PTPN14: variants seen among roughly 807,000 people sequenced by gnomAD.
PTPN14 encodes tyrosine-protein phosphatase non-receptor type 14.
A neutral mutation model predicts 126.8 loss-of-function variants in PTPN14; 53 were observed. The ratio of observed to expected loss-of-function variants is 0.42; its 90% confidence interval spans 0.34 to 0.53. The LOEUF is 0.53. Ranked by LOEUF, PTPN14 falls within the 20% of genes least tolerant of loss-of-function variation. The pLI is 0.08. For missense variants in PTPN14, 1,257 were observed against 1,552.9 expected (o/e 0.81, Z 3.20); for synonymous variants, 630 against 599.3 (o/e 1.05, Z -0.75).
chr1:214,479,010 T>G (rs1377702359), intron 1 of PTPN14, among the ~76,000 whole-genome samples: 1 of 151,784 alleles, frequency 6.6e-6, no homozygotes, highest in Non-Finnish European at 1.5e-5. Flanking sequence ...AATAGTACAT[T>G]TTGCTTAAAA....
intron 5 of PTPN14, 41 bp downstream of exon 5, chr1:214,411,643 G>GACATTAATTAAGAC: frequency 1.5e-6 from 2 of 1,349,416 alleles, no homozygotes; most frequent in Non-Finnish European, 2.1e-6. Context: ...AATGTCCAAA[G>GACATTAATTAAGAC]AAGGTAGAAA....
rs1657654445 is a variant in PTPN14 at position 214,349,015 on chromosome 1, A to G, written c.*8907T>C. 1 of 152,214 alleles carries G rather than the reference A, an allele frequency of 6.6e-6. No homozygotes were observed. Among genetic ancestry groups the G allele is most frequent in the African/African-American group, 2.4e-5 (1 of 41,456 alleles). The allele number at this position is 152,214 out of a possible 1,614,324, so 9.4% of individuals were successfully genotyped here. Reference sequence around the variant, plus strand: ...TGCATAGTTTTATTTTAGGCTTTTCATATTATTAAATTGATAGGGAGTCTA... The same window carrying G: ...TGCATAGTTTTATTTTAGGCTTTTCGTATTATTAAATTGATAGGGAGTCTA... On this transcript the variant is annotated 3_prime_UTR_variant, in exon 19 of 19. Coordinates refer to ENST00000366956, the MANE Select transcript of PTPN14 (RefSeq NM_005401.5).
chr1:214,499,074 G>C (rs767802577), intron 1 of PTPN14, among the ~76,000 whole-genome samples: 1 of 152,020 alleles, frequency 6.6e-6, no homozygotes, highest in Admixed American at 6.6e-5. Flanking sequence ...CAAAGTACTG[G>C]GATAAGAGAT....
intron 11 of PTPN14, among the ~76,000 whole-genome samples, chr1:214,390,614 C>T (rs537972871): frequency 8.5e-5 from 13 of 152,272 alleles, no homozygotes; most frequent in South Asian, 2.1e-4. Flanking sequence ...GCTCTCTCTA[C>T]GGCAGTGAAC....
chr1:214,480,524 A>T (rs191459050), intron 1 of PTPN14, among the ~76,000 whole-genome samples: 1 of 152,332 alleles, frequency 6.6e-6, no homozygotes, highest in Non-Finnish European at 1.5e-5. Flanking sequence ...TAAGAAGCAG[A>T]AAGCCTCCCA....
chr1:214,368,156 T>C (rs1444354523), intron 17 of PTPN14, among the ~76,000 whole-genome samples: 1 of 152,004 alleles, frequency 6.6e-6, no homozygotes, highest in Non-Finnish European at 1.5e-5. Context: ...TCTTGTGAGA[T>C]GCAAACCTTC....
chr1:214,483,971 T>C (rs892200390), intron 1 of PTPN14, among the ~76,000 whole-genome samples: 2 of 152,238 alleles, frequency 1.3e-5, no homozygotes, highest in African/African-American at 4.8e-5. Context: ...CCCTTTCATC[T>C]CCAAAAGATA....
intron 1 of PTPN14, among the ~76,000 whole-genome samples, chr1:214,488,196 T>C (rs1661157286): frequency 6.6e-6 from 1 of 152,210 alleles, no homozygotes; most frequent in Non-Finnish European, 1.5e-5. Flanking sequence ...CTTCTACTTG[T>C]ACTTATGGGC....
Position 214,364,762 on chromosome 1 carries a change from G to A in PTPN14, c.3272-87C>T, listed in dbSNP as rs1036192680. On this transcript the variant is annotated intron_variant, in intron 17 of 18. Transcript: ENST00000366956. This position sits in a 1 kb window ranked among gnomAD's most constrained non-coding sequence, Gnocchi z 4.1. The stretch of plus-strand genomic sequence containing the variant: ...GAGGGGGGAGCGGAAGAGAACTGAT[G>A]GTGAGTGTGTGTGTGTGTGTGTGTG... 34 of 714,500 alleles carry A rather than the reference G, an allele frequency of 4.8e-5. No homozygotes were observed. The African/African-American group carries it at 8.4e-4, about 18-fold the overall frequency. The allele number at this position is 714,500 out of a possible 1,614,324, so 44.3% of individuals were successfully genotyped here.
At chr1:214,500,102 C>T (rs17734395) in intron 1 of PTPN14, among the ~76,000 whole-genome samples, 8,426 of 151,756 alleles carry the variant, frequency 0.056, 258 homozygotes, top group Middle Eastern at 0.12. Flanking sequence ...TTCCAGTTTA[C>T]GGCATTTTTG....
intron 3 of PTPN14, among the ~76,000 whole-genome samples, chr1:214,431,749 C>T (rs1659802101): frequency 6.6e-6 from 1 of 152,262 alleles, no homozygotes. Flanking sequence ...GCCTTAGTTT[C>T]CTATTCTGTG....
rs1162565121 is a variant in PTPN14 at position 214,352,881 on chromosome 1, ATTG to A, written c.*5038_*5040del. ...TATAATAAAACACAGCAGCAGAATA[ATTG>A]TTGGTAAAACATGGGAATGCTCAAT... On this transcript the variant is annotated 3_prime_UTR_variant, in exon 19 of 19. Transcript: ENST00000366956. The A allele has an allele frequency of 6.6e-6, 1 of 152,198 alleles. No individual in the cohort carries two copies. Among genetic ancestry groups the A allele is most frequent in the Non-Finnish European group, 1.5e-5 (1 of 68,048 alleles). The allele number at this position is 152,198 out of a possible 1,614,324, so 9.4% of individuals were successfully genotyped here. A position where few individuals can be genotyped will look rare whatever the true frequency, so the allele number is the denominator to read the frequency against.
chr1:214,477,981 T>C (rs905696114), intron 1 of PTPN14, among the ~76,000 whole-genome samples: 5 of 152,198 alleles, frequency 3.3e-5, no homozygotes, highest in Admixed American at 1.3e-4. Context: ...AGCAAAGAAA[T>C]CCACAGAAAA....
intron 1 of PTPN14, among the ~76,000 whole-genome samples, chr1:214,541,794 A>G (rs1655843790): frequency 6.6e-6 from 1 of 152,198 alleles, no homozygotes; most frequent in Admixed American, 6.5e-5. Flanking sequence ...CAATATTTGT[A>G]TGATTCGCTT....
chr1:214,470,918 G>A (rs1186689036), intron 1 of PTPN14, among the ~76,000 whole-genome samples: 5 of 150,790 alleles, frequency 3.3e-5, no homozygotes, highest in African/African-American at 4.9e-5. Context: ...CCAGCTACTC[G>A]GGAGGCTGAC....
intron 4 of PTPN14, among the ~76,000 whole-genome samples, chr1:214,412,436 T>C (rs565314453): frequency 2.6e-5 from 4 of 152,252 alleles, no homozygotes; most frequent in Admixed American, 6.5e-5. Context: ...ACAAGAGATA[T>C]AGGATGAGAG....
chr1:214,476,001 T>C (rs1287457226), intron 1 of PTPN14, among the ~76,000 whole-genome samples: 2 of 152,168 alleles, frequency 1.3e-5, no homozygotes, highest in Non-Finnish European at 2.9e-5. Flanking sequence ...AAAACAACTA[T>C]GACATACCAT....
At position 214,378,066 on chromosome 1, in the gene PTPN14, G is replaced by T; in HGVS notation, c.2581C>A (p.Gln861Lys). ...GCTGCCAACATCAGCGGCCTCTTCT[G>T]TGCCTCCAGGCCTGCCATCTTCTGC... ...EKQKMAGLEAQKRPLMLAALN... is the reference protein window; with the variant it reads ...EKQKMAGLEAKKRPLMLAALN... Residue 861 changes from glutamine to lysine, a missense_variant, in exon 14 of 19, where the codon CAG (glutamine) becomes AAG (lysine). Gln to Lys is a moderately conservative substitution (Grantham distance 53). Transcript: ENST00000366956. 6.2e-7 allele frequency: 1 copy of T among 1,611,788 alleles called. No homozygotes were observed. The highest frequency in any genetic ancestry group is 8.5e-7 in the Non-Finnish European group (1 of 1,179,900).
chr1:214,368,288 G>A (rs188837331), intron 17 of PTPN14, among the ~76,000 whole-genome samples: 6 of 151,260 alleles, frequency 4.0e-5, no homozygotes, highest in South Asian at 2.1e-4. Context: ...GGTTCACTCC[G>A]CCTCCCAGGT....
Sources: gnomAD v4.1 joint callset for allele counts (sites outside exome capture counted in the v4.1 genomes callset) on GRCh38, gnomAD v4.1.1 for gene constraint, Gnocchi (gnomAD v3.1) non-coding constraint, MANE v1.5 for transcripts, NCBI Gene and HGNC (gene_info 2026-07-23, HGNC 2026-07-21) for gene names.